The following ARHGAP32 variants were observed in gnomAD, a reference collection of about 807,000 sequenced individuals.
The protein encoded by ARHGAP32 is rho GTPase-activating protein 32.
In ARHGAP32, 51 loss-of-function variants were observed where a neutral mutation model predicts 186.5. The ratio of observed to expected loss-of-function variants is 0.27; its 90% CI spans 0.22 to 0.35. ARHGAP32 has a LOEUF of 0.35. ARHGAP32 is among the 10% of genes least tolerant of loss of function. ARHGAP32 has a pLI of 1.00. For synonymous variants in ARHGAP32, 950 were observed against 964.3 expected, an observed-to-expected ratio of 0.99 and a Z score of 0.27; for missense variants, 2,186 against 2,623.5, an observed-to-expected ratio of 0.83 and a Z score of 3.64.
chr11:129,057,775 G>T (rs1940313016), intron 10 of ARHGAP32, among the ~76,000 whole-genome samples: 1 of 151,800 alleles, frequency 6.6e-6, no homozygotes, highest in African/African-American at 2.4e-5. Context: ...TGGATTAACT[G>T]CGTATTTAGA....
intron 1 of ARHGAP32, among the ~76,000 whole-genome samples, chr11:129,257,703 A>AC (rs1348001580): frequency 2.9e-5 from 1 of 34,788 alleles, no homozygotes; most frequent in Non-Finnish European, 7.0e-5. Context: ...TTAATAATTA[A>AC]CCAAAAAAAA....
At chr11:129,191,785 G>T (rs1944275467) in intron 1 of ARHGAP32, among the ~76,000 whole-genome samples, 1 of 152,002 alleles carries the variant, frequency 6.6e-6, no homozygotes, top group South Asian at 2.1e-4. Flanking sequence ...ACAGGAAGGG[G>T]TAGTAGTTCA....
At chr11:129,186,684 C>G (rs1434786232) in intron 1 of ARHGAP32, among the ~76,000 whole-genome samples, 2 of 151,942 alleles carry the variant, frequency 1.3e-5, no homozygotes, top group African/African-American at 4.8e-5. Flanking sequence ...TGTAATAATC[C>G]GATTTAAAAA....
chr11:129,248,541 C>G (rs1357377262), intron 1 of ARHGAP32, among the ~76,000 whole-genome samples: 1 of 152,180 alleles, frequency 6.6e-6, no homozygotes, highest in Non-Finnish European at 1.5e-5. Flanking sequence ...ACCCCAGCCT[C>G]CTTTTACTTA....
intron 15 of ARHGAP32, among the ~76,000 whole-genome samples, chr11:128,984,283 G>A (rs1945799451): frequency 6.6e-6 from 1 of 151,970 alleles, no homozygotes; most frequent in Non-Finnish European, 1.5e-5. Flanking sequence ...GCTGAGGTGG[G>A]AGAATCACTT....
intron 1 of ARHGAP32, among the ~76,000 whole-genome samples, chr11:129,169,748 C>G (rs1238145922): frequency 6.6e-6 from 1 of 151,710 alleles, no homozygotes; most frequent in Non-Finnish European, 1.5e-5. Flanking sequence ...TTCACCAAAC[C>G]TGAAACAATA....
In ARHGAP32 at chr11:128,972,878, A is replaced by G. The variant is rs576166943; in HGVS notation, c.3628T>C (p.Ser1210Pro). 9 of 1,613,956 alleles carry G rather than the reference A, an allele frequency of 5.6e-6. No individual in the cohort carries two copies. In the South Asian group the frequency reaches 9.9e-5, roughly 18 times the overall value. The change falls in exon 22 of 23, where the codon TCC becomes CCC. Residue 1210 changes from serine (S) to proline (P), a missense_variant. Ser to Pro is a moderately conservative substitution (Grantham distance 74, BLOSUM62 -1). This residue lies in a region of ARHGAP32 where 1,502 missense variants were observed against 1,570.0 expected (regional missense o/e 0.96). Transcript: ENST00000682385. The stretch of plus-strand genomic sequence containing the variant: ...GGAGACTGGTCCTGATCCAAGAAGG[A>G]GACAGTTGGCATACTGTTCTTCCCA... The part of the protein sequence containing the change: ...QSGKNSMPTV[S>P]FLDQDQSPPR...
chr11:128,988,829 A>T (rs1350379091), intron 12 of ARHGAP32, among the ~76,000 whole-genome samples: 1 of 152,226 alleles, frequency 6.6e-6, no homozygotes, highest in Admixed American at 6.5e-5. Context: ...ATGCTGGGGC[A>T]TGCAGTATAA....
At chr11:129,022,762 G>A (rs1242503006) in intron 11 of ARHGAP32, among the ~76,000 whole-genome samples, 2 of 152,064 alleles carry the variant, frequency 1.3e-5, no homozygotes, top group African/African-American at 2.4e-5. Flanking sequence ...TCCAGAACCT[G>A]GAATCTGGCT....
intron 1 of ARHGAP32, among the ~76,000 whole-genome samples, chr11:129,236,882 G>A (rs1490217639): frequency 1.3e-5 from 2 of 152,180 alleles, no homozygotes; most frequent in Non-Finnish European, 2.9e-5. Context: ...GTTGGCTGTG[G>A]ATTTGTGGTA....
At chr11:129,101,772 A>C (rs541776632) in intron 5 of ARHGAP32, among the ~76,000 whole-genome samples, 1 of 152,354 alleles carries the variant, frequency 6.6e-6, no homozygotes, top group South Asian at 2.1e-4. Context: ...ACCAAATTGG[A>C]AAACGTATTT....
At chr11:129,055,469 A>G (rs1940213506) in intron 10 of ARHGAP32, among the ~76,000 whole-genome samples, 1 of 152,236 alleles carries the variant, frequency 6.6e-6, no homozygotes, top group African/African-American at 2.4e-5. Flanking sequence ...ATGTCCACAC[A>G]ATAACCTGCA....
intron 1 of ARHGAP32, among the ~76,000 whole-genome samples, chr11:129,199,085 G>T (rs1364652352): frequency 6.6e-6 from 1 of 152,104 alleles, no homozygotes; most frequent in Admixed American, 6.5e-5. Flanking sequence ...GATGATTTAG[G>T]GTATCTGGCA....
At chr11:129,173,955 G>A (rs1415894418) in intron 1 of ARHGAP32, among the ~76,000 whole-genome samples, 2 of 152,164 alleles carry the variant, frequency 1.3e-5, no homozygotes, top group Non-Finnish European at 2.9e-5. Context: ...GGCCAAATAG[G>A]AACAGCTCCG....
At chr11:128,985,752 T>TCC (rs1480943125) in intron 15 of ARHGAP32, 1 of 165,002 alleles carries the variant, frequency 6.1e-6, no homozygotes, top group South Asian at 2.0e-4. Context: ...GCCCTGGGGA[T>TCC]CTAAGGACAA....
At chr11:129,121,405 T>C (rs1037519091) in intron 5 of ARHGAP32, among the ~76,000 whole-genome samples, 2 of 152,032 alleles carry the variant, frequency 1.3e-5, no homozygotes, top group Non-Finnish European at 2.9e-5. Flanking sequence ...CAAGCAAAAC[T>C]GGTAGATGTG....
chr11:129,187,481 T>C (rs1234221313), intron 1 of ARHGAP32, among the ~76,000 whole-genome samples: 1 of 152,152 alleles, frequency 6.6e-6, no homozygotes, highest in Non-Finnish European at 1.5e-5. Context: ...GTGACTATAG[T>C]CAATAATAAT....
intron 11 of ARHGAP32, among the ~76,000 whole-genome samples, chr11:129,002,332 T>C (rs1368186391): frequency 6.6e-6 from 1 of 152,214 alleles, no homozygotes; most frequent in African/African-American, 2.4e-5. Context: ...AATTCCTAGG[T>C]ATTTTATTTT....
chr11:129,094,064 C>T (rs1184233543), intron 5 of ARHGAP32, among the ~76,000 whole-genome samples: 2 of 151,896 alleles, frequency 1.3e-5, no homozygotes, highest in Non-Finnish European at 1.5e-5. Context: ...GGCCTATGGA[C>T]GTGTTTAATT....
Sources: allele counts gnomAD v4.1 joint callset (sites outside exome capture counted in the v4.1 genomes callset), GRCh38; gene constraint gnomAD v4.1.1; regional missense constraint gnomAD v4.1.1; transcripts MANE v1.5; gene names NCBI Gene and HGNC (gene_info 2026-07-23, HGNC 2026-07-21).